SIPA1L1: variants seen among roughly 807,000 people sequenced by gnomAD.
SIPA1L1 encodes signal-induced proliferation-associated 1-like protein 1.
Under a neutral mutation model 162.7 loss-of-function variants are expected in SIPA1L1, and 26 were observed. The observed-to-expected ratio is 0.16, with a 90% CI of 0.12 to 0.22. SIPA1L1 has a LOEUF of 0.22. SIPA1L1 is among the 10% of genes least tolerant of loss of function. The pLI is 1.00. For missense variants in SIPA1L1, 1,874 were observed against 2,241.0 expected, an observed-to-expected ratio of 0.84 and a Z score of 3.31; for synonymous variants, 829 against 837.4, an observed-to-expected ratio of 0.99 and a Z score of 0.17.
At position 71,389,857 on chromosome 14, in the gene SIPA1L1, C is replaced by T. The variant is rs137978874; in HGVS notation, c.-465+68676C>T. Among the ~76,000 whole-genome samples the T allele has an allele frequency of 1.1e-3, 168 of 152,146 alleles. 1 individual carries two copies. The highest frequency in any genetic ancestry group is 0.01 in the Admixed American group (157 of 15,272). On this transcript the variant is annotated intron_variant, in intron 2 of 23. Transcript: ENST00000381232. ...GCTGTGTTTCCTCATCTGAAGGGCT[C>T]GGAGGAGAGTGGGAAAGGGAACAGT...
rs142383940 is a variant in SIPA1L1, at chr14:71,728,922, C to G, written c.4615-1133C>G. 5.4e-3 allele frequency among the ~76,000 whole-genome samples: 817 copies of G among 152,310 alleles called. 9 individuals are homozygous for G. Among genetic ancestry groups the G allele is most frequent in the Non-Finnish European group, 7.7e-3 (522 of 68,032 alleles). The stretch of plus-strand genomic sequence containing the variant: ...GAAGCTTGCTATTTGCAGAAAAAAT[C>G]TCAAGTAAAATCAAATTTGGTCACA... On this transcript the variant is annotated intron_variant, in intron 19 of 23. Coordinates refer to ENST00000381232, the MANE Select transcript of SIPA1L1 (RefSeq NM_001386936.1).
intron 3 of SIPA1L1, among the ~76,000 whole-genome samples, chr14:71,525,969 TA>T (rs1242738348): frequency 2.6e-5 from 4 of 152,216 alleles, no homozygotes; most frequent in Non-Finnish European, 4.4e-5. Context: ...GTACGCTATC[TA>T]ATCATAGCTC....
At chr14:71,583,771 A>G (rs1009846083) in intron 4 of SIPA1L1, among the ~76,000 whole-genome samples, 10 of 151,978 alleles carry the variant, frequency 6.6e-5, no homozygotes, top group African/African-American at 2.4e-4. Context: ...ATGAGCACCT[A>G]CCTCTATTTT....
intron 2 of SIPA1L1, among the ~76,000 whole-genome samples, chr14:71,381,356 T>A (rs1316562235): frequency 3.3e-5 from 5 of 152,086 alleles, no homozygotes; most frequent in African/African-American, 1.2e-4. Flanking sequence ...CTGGCCCCAA[T>A]ATGACTTATT....
chr14:71,626,118 A>G (rs994304569), intron 7 of SIPA1L1, among the ~76,000 whole-genome samples: 1 of 152,240 alleles, frequency 6.6e-6, no homozygotes, highest in African/African-American at 2.4e-5. Flanking sequence ...AAGCATTAAA[A>G]TGTCCCTTCC....
chr14:71,328,100 A>AT (rs1363683254), intron 2 of SIPA1L1, among the ~76,000 whole-genome samples: 1 of 152,178 alleles, frequency 6.6e-6, no homozygotes, highest in Non-Finnish European at 1.5e-5. Flanking sequence ...GTATTGTTTT[A>AT]TTTTTTAAAT....
intron 2 of SIPA1L1, among the ~76,000 whole-genome samples, chr14:71,499,863 G>A (rs1029346378): frequency 1.3e-5 from 2 of 152,056 alleles, no homozygotes; most frequent in Non-Finnish European, 2.9e-5. Context: ...ATTTAAAATC[G>A]TTTAATTGAG....
intron 12 of SIPA1L1, among the ~76,000 whole-genome samples, chr14:71,675,374 C>T (rs2045035080): frequency 8.5e-6 from 1 of 118,226 alleles, no homozygotes. Flanking sequence ...TCTGAAAAGC[C>T]ATACAGTTTC....
At chr14:71,596,715 G>A (rs1438809979) in intron 5 of SIPA1L1, among the ~76,000 whole-genome samples, 1 of 152,072 alleles carries the variant, frequency 6.6e-6, no homozygotes, top group Non-Finnish European at 1.5e-5. Context: ...TGAATGGGAA[G>A]CTATTAAACA....
At chr14:71,738,530 A>G (rs910765009) in intron 23 of SIPA1L1, among the ~76,000 whole-genome samples, 1 of 152,082 alleles carries the variant, frequency 6.6e-6, no homozygotes, top group East Asian at 1.9e-4. Flanking sequence ...AAACTGTTCA[A>G]TAATTTGTGA....
chr14:71,404,063 A>G (rs114104109), intron 2 of SIPA1L1, among the ~76,000 whole-genome samples: 2,583 of 147,856 alleles, frequency 0.017, 78 homozygotes, highest in African/African-American at 0.056. Flanking sequence ...CTTAAAATTT[A>G]TAGTTTCATG....
chr14:71,364,354 T>G (rs2038085559), intron 2 of SIPA1L1, among the ~76,000 whole-genome samples: 1 of 152,172 alleles, frequency 6.6e-6, no homozygotes. Context: ...CTTTCCCAAA[T>G]GTTCCCCTCC....
intron 18 of SIPA1L1, 118 bp from the exon 19 acceptor site, chr14:71,724,552 T>C: frequency 1.3e-6 from 1 of 744,016 alleles, no homozygotes; most frequent in Admixed American, 3.3e-5. Flanking sequence ...TAATTATCTG[T>C]TTCTCCACAT....
intron 4 of SIPA1L1, among the ~76,000 whole-genome samples, chr14:71,576,974 T>C (rs2033125999): frequency 6.6e-6 from 1 of 150,770 alleles, no homozygotes; most frequent in Non-Finnish European, 1.5e-5. Context: ...TCCCAGCCAC[T>C]CGGGTGGCTG....
intron 5 of SIPA1L1, among the ~76,000 whole-genome samples, chr14:71,616,395 T>C (rs1356350379): frequency 1.3e-5 from 2 of 152,130 alleles, no homozygotes; most frequent in Non-Finnish European, 2.9e-5. Flanking sequence ...TTTCAAGAAG[T>C]TTCCAATGGA....
intron 7 of SIPA1L1, among the ~76,000 whole-genome samples, chr14:71,649,775 T>C (rs1171445294): frequency 6.6e-6 from 1 of 152,130 alleles, no homozygotes; most frequent in Admixed American, 6.5e-5. Flanking sequence ...TTGATGATAG[T>C]AGTGCTGTAA....
intron 7 of SIPA1L1, among the ~76,000 whole-genome samples, chr14:71,631,747 T>C (rs1360806458): frequency 6.6e-6 from 1 of 152,234 alleles, no homozygotes; most frequent in African/African-American, 2.4e-5. Flanking sequence ...AGTATCCATA[T>C]GTCATTTTTT....
At chr14:71,711,642 G>T (rs1422698535) in intron 17 of SIPA1L1, among the ~76,000 whole-genome samples, 1 of 152,182 alleles carries the variant, frequency 6.6e-6, no homozygotes, top group African/African-American at 2.4e-5. Flanking sequence ...CAGAATGTGC[G>T]GCTGTGCCAT....
intron 5 of SIPA1L1, among the ~76,000 whole-genome samples, chr14:71,604,961 T>C (rs1486091478): frequency 6.6e-6 from 1 of 152,154 alleles, no homozygotes; most frequent in Non-Finnish European, 1.5e-5. Flanking sequence ...TCTTATTATT[T>C]CATTAAATAT....
Sources: gnomAD v4.1 joint callset for allele counts (sites outside exome capture counted in the v4.1 genomes callset) on GRCh38, gnomAD v4.1.1 for gene constraint, MANE v1.5 for transcripts, NCBI Gene and HGNC (gene_info 2026-07-23, HGNC 2026-07-21) for gene names.